The following PLEKHA7 variants were observed in gnomAD, a reference collection of about 807,000 sequenced individuals.
PLEKHA7 encodes the protein pleckstrin homology domain containing A7.
In PLEKHA7, 104 loss-of-function variants were observed where a neutral mutation model predicts 170.0. That is an observed-to-expected ratio of 0.61 (90% CI 0.52 to 0.72). The LOEUF (loss-of-function observed/expected upper bound fraction) is 0.72. PLEKHA7 is among the 30% of genes least tolerant of loss of function. The probability of loss-of-function intolerance (pLI) is 0.00; values close to 1 mark genes in which losing one functional copy is unlikely to be tolerated. For synonymous variants in PLEKHA7, 648 were observed against 660.8 expected (o/e 0.98, Z 0.30); for missense variants, 1,615 against 1,671.7 (o/e 0.97, Z 0.59).
chr11:16,834,996 G>A (rs1265501477), intron 9 of PLEKHA7, among the ~76,000 whole-genome samples: 7 of 152,182 alleles, frequency 4.6e-5, no homozygotes, highest in Admixed American at 6.5e-5. Flanking sequence ...CAGGCTAGGC[G>A]CGGTGGCTCA....
chr11:16,983,866 TTAA>T (rs1388944537), intron 3 of PLEKHA7, among the ~76,000 whole-genome samples: 2 of 152,102 alleles, frequency 1.3e-5, no homozygotes, highest in Admixed American at 6.6e-5. Flanking sequence ...AGGTCCATCT[TTAA>T]TAATATTACC....
intron 3 of PLEKHA7, among the ~76,000 whole-genome samples, chr11:17,001,492 G>A (rs572925386): frequency 4.6e-5 from 7 of 152,228 alleles, no homozygotes; most frequent in South Asian, 2.1e-4. Flanking sequence ...CCCCTCTTCC[G>A]AGACGAGGAC....
At chr11:17,007,928 T>C (rs1865108547) in intron 3 of PLEKHA7, among the ~76,000 whole-genome samples, 1 of 152,194 alleles carries the variant, frequency 6.6e-6, no homozygotes, top group Non-Finnish European at 1.5e-5. Context: ...TTAAAAGTAA[T>C]AGCACTAACC....
intron 13 of PLEKHA7, among the ~76,000 whole-genome samples, chr11:16,811,630 C>T (rs1849380033): frequency 6.6e-6 from 1 of 152,202 alleles, no homozygotes; most frequent in African/African-American, 2.4e-5. Context: ...TGAGGAATTA[C>T]CACCATACTT....
chr11:16,977,518 T>G (rs905622143), intron 3 of PLEKHA7, among the ~76,000 whole-genome samples: 7 of 152,184 alleles, frequency 4.6e-5, no homozygotes, highest in Non-Finnish European at 1.0e-4. Flanking sequence ...TAAGAATGAA[T>G]GACTTCAACC....
intron 3 of PLEKHA7, among the ~76,000 whole-genome samples, chr11:16,996,780 C>CA (rs1423790654): frequency 7.2e-5 from 11 of 151,974 alleles, no homozygotes; most frequent in Admixed American, 2.0e-4. Flanking sequence ...ACTAAAAATA[C>CA]AAAAAATTAG....
intron 7 of PLEKHA7, among the ~76,000 whole-genome samples, chr11:16,851,851 G>A (rs940172712): frequency 5.3e-5 from 8 of 152,226 alleles, no homozygotes; most frequent in Non-Finnish European, 8.8e-5. Context: ...GAACTGCTTT[G>A]AAAGCACCAG....
In PLEKHA7 at chr11:16,789,889, A is replaced by G; in HGVS notation, c.3053-11T>C. On this transcript the variant is annotated splice_polypyrimidine_tract_variant and intron_variant, in intron 21 of 26. Coordinates refer to ENST00000531066, the MANE Select transcript of PLEKHA7 (RefSeq NM_001329630.2). This position sits in a 1 kb window ranked among gnomAD's most constrained non-coding sequence, Gnocchi z 4.6. ...TGGACCCTGAGAGCCCTTAGTGAGGAAAGAGAAGTGCAAGCATGTTTGTGC... is the reference window on the plus strand; with the variant it reads ...TGGACCCTGAGAGCCCTTAGTGAGGGAAGAGAAGTGCAAGCATGTTTGTGC... 6.2e-7 allele frequency: 1 copy of G among 1,611,024 alleles called. No homozygotes were observed. Among genetic ancestry groups the G allele is most frequent in the Non-Finnish European group, 8.5e-7 (1 of 1,177,238 alleles).
chr11:16,883,950 C>A lies in PLEKHA7; in HGVS notation c.222-12768G>T, dbSNP rs371660962. On this transcript the variant is annotated intron_variant, in intron 3 of 26. Coordinates refer to ENST00000531066, the MANE Select transcript of PLEKHA7 (RefSeq NM_001329630.2). ...TTATCAGTTTCTTGTATATCCTTTT[C>A]GGGTTTTGCACTTACAAAATTTTTA... 3.6e-4 allele frequency among the ~76,000 whole-genome samples: 55 copies of A among 151,614 alleles called. 3 individuals carry two copies. The highest frequency in any genetic ancestry group is 2.9e-3 in the East Asian group (15 of 5,126).
At chr11:17,001,433 T>C (rs1864655750) in intron 3 of PLEKHA7, among the ~76,000 whole-genome samples, 1 of 152,160 alleles carries the variant, frequency 6.6e-6, no homozygotes, top group Non-Finnish European at 1.5e-5. Flanking sequence ...GTGGAGAAGA[T>C]ATGATTGTTG....
chr11:16,781,966 TG>T (rs1395120325), intron 26 of PLEKHA7, among the ~76,000 whole-genome samples: 2 of 152,010 alleles, frequency 1.3e-5, no homozygotes, highest in Non-Finnish European at 2.9e-5. Flanking sequence ...GAAATGGTAC[TG>T]GGTGAATTGT....
chr11:16,985,283 T>A (rs1863657582), intron 3 of PLEKHA7, among the ~76,000 whole-genome samples: 1 of 152,222 alleles, frequency 6.6e-6, no homozygotes, highest in African/African-American at 2.4e-5. Flanking sequence ...ACACATTGCT[T>A]TGTGAATTGC....
At chr11:16,943,288 A>C (rs531398563) in intron 3 of PLEKHA7, among the ~76,000 whole-genome samples, 1 of 152,114 alleles carries the variant, frequency 6.6e-6, no homozygotes, top group South Asian at 2.1e-4. Flanking sequence ...AAATCTCTGA[A>C]CTCTGGGTGT....
At chr11:16,894,236 T>C (rs990074780) in intron 3 of PLEKHA7, among the ~76,000 whole-genome samples, 10 of 152,152 alleles carry the variant, frequency 6.6e-5, no homozygotes, top group African/African-American at 1.9e-4. Context: ...AGGGAGGGGC[T>C]CTCACTATCT....
rs552730468 is a variant in PLEKHA7 at position 16,795,276 on chromosome 11, G to A, written c.2410-258C>T. 133 of 470,812 alleles carry A rather than the reference G, an allele frequency of 2.8e-4. No individual in the cohort carries two copies. The East Asian group carries it at 4.1e-3, about 15-fold the overall frequency. The allele number at this position is 470,812 out of a possible 1,614,324, so 29.2% of individuals were successfully genotyped here. ...CTACCTAATTTAAAAACAGACTGCC[G>A]TAAACACTGTGCCATTCCGCTAAAA... On this transcript the variant is annotated intron_variant, in intron 17 of 26. Coordinates refer to ENST00000531066, the MANE Select transcript of PLEKHA7 (RefSeq NM_001329630.2).
chr11:16,959,919 A>C (rs1397408846), intron 3 of PLEKHA7, among the ~76,000 whole-genome samples: 1 of 152,130 alleles, frequency 6.6e-6, no homozygotes, highest in Non-Finnish European at 1.5e-5. Context: ...GCCAAGCCCA[A>C]CTGAAGGAGC....
intron 26 of PLEKHA7, among the ~76,000 whole-genome samples, chr11:16,782,529 GCC>G (rs1277637183): frequency 1.3e-5 from 2 of 152,180 alleles, no homozygotes; most frequent in African/African-American, 4.8e-5. Context: ...GAGCTTCTGG[GCC>G]CCCTTGGTCT....
chr11:16,998,656 C>A (rs1407511577), intron 3 of PLEKHA7, among the ~76,000 whole-genome samples: 1 of 150,306 alleles, frequency 6.7e-6, no homozygotes, highest in Non-Finnish European at 1.5e-5. Context: ...CAAAAACCGA[C>A]TGAGCTCTCT....
chr11:16,968,924 T>A (rs1236781865), intron 3 of PLEKHA7, among the ~76,000 whole-genome samples: 2 of 152,192 alleles, frequency 1.3e-5, no homozygotes, highest in African/African-American at 2.4e-5. Flanking sequence ...GCCAAGAAGT[T>A]CTTAATGTCT....
Sources: gnomAD v4.1 joint callset for allele counts (sites outside exome capture counted in the v4.1 genomes callset) on GRCh38, gnomAD v4.1.1 for gene constraint, Gnocchi (gnomAD v3.1) non-coding constraint, MANE v1.5 for transcripts, NCBI Gene and HGNC (gene_info 2026-07-23, HGNC 2026-07-21) for gene names.